Variants in PCDH15 observed in about 807,000 individuals in gnomAD.
PCDH15 encodes protocadherin-15.
In PCDH15, 129 loss-of-function variants were observed where a neutral mutation model predicts 178.5. The ratio of observed to expected loss-of-function variants is 0.72; its 90% CI spans 0.63 to 0.84. PCDH15 has a LOEUF of 0.84. Among genes scored for constraint, PCDH15 ranks in the 40% least tolerant of loss-of-function variants. The pLI, the probability that PCDH15 is intolerant of heterozygous loss-of-function variation, is 0.00. For missense variants in PCDH15, 2,230 were observed against 2,099.9 expected, an observed-to-expected ratio of 1.06 and a Z score of -1.21; for synonymous variants, 800 against 732.0, an observed-to-expected ratio of 1.09 and a Z score of -1.50.
chr10:53,810,916 G>A (rs1280368575), intron 36 of PCDH15, among the ~76,000 whole-genome samples: 2 of 152,096 alleles, frequency 1.3e-5, no homozygotes, highest in Non-Finnish European at 2.9e-5. Flanking sequence ...ACTCGTTTTT[G>A]GAGAAACTAG....
At chr10:55,432,101 A>G (rs949506511) in intron 2 of PCDH15, among the ~76,000 whole-genome samples, 135 of 150,594 alleles carry the variant, frequency 9.0e-4, no homozygotes, top group Admixed American at 1.7e-3. Context: ...ACACACACAC[A>G]CACACACACA....
chr10:54,604,701 A>G (rs1371444090), intron 2 of PCDH15, among the ~76,000 whole-genome samples: 1 of 151,928 alleles, frequency 6.6e-6, no homozygotes, highest in Non-Finnish European at 1.5e-5. Context: ...TCAGCCAGTT[A>G]ATATCGTGTG....
At chr10:53,858,994 C>G (rs1287080501) in intron 27 of PCDH15, among the ~76,000 whole-genome samples, 1 of 151,318 alleles carries the variant, frequency 6.6e-6, no homozygotes, top group Non-Finnish European at 1.5e-5. Context: ...TCCCTCCCTC[C>G]CTCCCCTCCT....
intron 1 of PCDH15, among the ~76,000 whole-genome samples, chr10:54,680,544 G>T (rs1299297023): frequency 1.3e-5 from 2 of 152,094 alleles, no homozygotes; most frequent in Non-Finnish European, 2.9e-5. Context: ...GGAGTGATAT[G>T]CTTTGGTTGT....
intron 2 of PCDH15, among the ~76,000 whole-genome samples, chr10:54,627,120 T>C (rs1358817218): frequency 6.6e-6 from 1 of 152,210 alleles, no homozygotes; most frequent in Non-Finnish European, 1.5e-5. Context: ...AGGAAGTAAG[T>C]AACTTGCTTT....
chr10:55,535,133 T>A lies in PCDH15; in HGVS notation c.-156+92492A>T, dbSNP rs1001039223. Among the ~76,000 whole-genome samples, 48 of 151,998 alleles carry A rather than the reference T, an allele frequency of 3.2e-4. 1 individual carries two copies. The highest frequency in any genetic ancestry group is 2.6e-3 in the Admixed American group (39 of 15,222). ...TCACTACCTGTATGTAATATACCCA[T>A]GTAATAAATCTGCACATGTATCTCC... On this transcript the variant is annotated intron_variant, in intron 2 of 5. Coordinates refer to the PCDH15 transcript ENST00000613346.
chr10:55,590,951 T>G (rs1440004435), intron 2 of PCDH15, among the ~76,000 whole-genome samples: 3 of 152,138 alleles, frequency 2.0e-5, no homozygotes, highest in African/African-American at 7.2e-5. Context: ...GTGTTCTTAA[T>G]GCTCAGTTTG....
intron 1 of PCDH15, among the ~76,000 whole-genome samples, chr10:55,304,587 T>C (rs1016466429): frequency 2.0e-5 from 3 of 152,198 alleles, no homozygotes; most frequent in Non-Finnish European, 4.4e-5. Flanking sequence ...CAAACTGCTT[T>C]TATAAGTCCT....
chr10:53,839,120 C>A (rs144733085), intron 29 of PCDH15, among the ~76,000 whole-genome samples: 1 of 142,080 alleles, frequency 7.0e-6, no homozygotes, highest in Non-Finnish European at 1.5e-5. Context: ...AGGAGAATGG[C>A]GTGAACCCGG....
At chr10:55,610,612 A>G (rs10825559) in intron 2 of PCDH15, among the ~76,000 whole-genome samples, 50,185 of 151,942 alleles carry the variant, frequency 0.33, 8,732 homozygotes, top group East Asian at 0.49. Context: ...ATAAAGGGCT[A>G]AGACGTTTCT....
intron 2 of PCDH15, among the ~76,000 whole-genome samples, chr10:55,595,744 T>C (rs1040692352): frequency 6.6e-6 from 1 of 152,140 alleles, no homozygotes; most frequent in African/African-American, 2.4e-5. Context: ...TGTTTTTGTT[T>C]ACATTTTTCC....
At chr10:54,573,121 C>CAT (rs2090035896) in intron 2 of PCDH15, among the ~76,000 whole-genome samples, 1 of 151,992 alleles carries the variant, frequency 6.6e-6, no homozygotes, top group African/African-American at 2.4e-5. Context: ...TTTATACATG[C>CAT]GTATATATAA....
At chr10:54,910,889 C>T (rs760606671) in intron 2 of PCDH15, among the ~76,000 whole-genome samples, 6 of 152,120 alleles carry the variant, frequency 3.9e-5, no homozygotes, top group Non-Finnish European at 8.8e-5. Flanking sequence ...CAGGGTTCAC[C>T]AGACTTCACA....
At chr10:55,211,296 T>C (rs920943146) in intron 1 of PCDH15, among the ~76,000 whole-genome samples, 1 of 152,054 alleles carries the variant, frequency 6.6e-6, no homozygotes, top group African/African-American at 2.4e-5. Flanking sequence ...AATACAGAAA[T>C]GGAATTTAGA....
rs763593526 is a variant in PCDH15 at position 54,185,197 on chromosome 10, A to G, written c.1377T>C (p.Ile459=). Residue 459 remains isoleucine, a synonymous_variant, in exon 12 of 38, where the codon ATT becomes ATC. Transcript: ENST00000644397. ...GTTGAAGTAAGGTGAGGTAGCGAGT[A>G]ATACCAGTCTGTGTGACGGTGAAGA... ...TSVFTVTQTG[I]TRYLTLLQPV... The G allele has an allele frequency of 3.7e-6, 6 of 1,613,606 alleles. No homozygotes were observed. The East Asian group carries it at 1.3e-4, about 36-fold the overall frequency.
At chr10:55,059,710 A>G (rs1564757889) in intron 2 of PCDH15, among the ~76,000 whole-genome samples, 1 of 152,116 alleles carries the variant, frequency 6.6e-6, no homozygotes, top group African/African-American at 2.4e-5. Context: ...ACATTAATCT[A>G]TATTTGAGAG....
At chr10:55,311,579 T>C (rs1843588486) in intron 1 of PCDH15, among the ~76,000 whole-genome samples, 1 of 152,220 alleles carries the variant, frequency 6.6e-6, no homozygotes, top group Admixed American at 6.5e-5. Flanking sequence ...AGGATTACAA[T>C]GGCACCTTAG....
intron 25 of PCDH15, among the ~76,000 whole-genome samples, chr10:53,910,001 G>C (rs553693176): frequency 1.3e-5 from 2 of 152,256 alleles, no homozygotes; most frequent in African/African-American, 4.8e-5. Flanking sequence ...AAAGTGGCTG[G>C]GGAAGCCCAA....
chr10:55,000,549 T>A (rs1413910113), intron 2 of PCDH15, among the ~76,000 whole-genome samples: 1 of 152,150 alleles, frequency 6.6e-6, no homozygotes, highest in Non-Finnish European at 1.5e-5. Context: ...ACATACGTCC[T>A]CCTCAGCTTA....
Sources: gnomAD v4.1 joint callset for allele counts (sites outside exome capture counted in the v4.1 genomes callset) on GRCh38, gnomAD v4.1.1 for gene constraint, MANE v1.5 for transcripts, NCBI Gene and HGNC (gene_info 2026-07-23, HGNC 2026-07-21) for gene names.